Variants in FAM83B observed in about 807,000 individuals in gnomAD.
FAM83B encodes scaffolding CK1 anchoring protein B, also known as protein FAM83B.
In FAM83B, 26 loss-of-function variants were observed where a neutral mutation model predicts 38.8. The observed-to-expected ratio is 0.67, with a 90% CI of 0.49 to 0.93. FAM83B has a LOEUF of 0.93. Ranked by LOEUF, FAM83B falls within the 40% of genes least tolerant of loss-of-function variation. The probability of loss-of-function intolerance (pLI) is 0.00; values close to 1 mark genes in which losing one functional copy is unlikely to be tolerated. For missense variants in FAM83B, 1,237 were observed against 1,197.3 expected (o/e 1.03, Z -0.49); for synonymous variants, 419 against 423.1 (o/e 0.99, Z 0.12).
rs765150070 is a variant in FAM83B at position 54,870,398 on chromosome 6, G to A, written c.152G>A (p.Arg51Gln). 8 of 1,613,916 alleles carry A rather than the reference G, an allele frequency of 5.0e-6. No individual in the cohort carries two copies. Among genetic ancestry groups the A allele is most frequent in the African/African-American group, 1.3e-5 (1 of 74,900 alleles). Residue 51 changes from arginine to glutamine, a missense_variant, in exon 2 of 5, where the codon CGA (arginine) becomes CAA (glutamine). Transcript: ENST00000306858. Reference protein sequence around the residue: ...EAYQEFLVQERVSDFLAEEEI... With the variant: ...EAYQEFLVQEQVSDFLAEEEI... ...TACCAAGAATTTCTTGTCCAGGAAC[G>A]AGTTTCAGACTTTCTTGCTGAGGAA...
At chr6:54,849,775 C>T (rs1771229166) in intron 1 of FAM83B, among the ~76,000 whole-genome samples, 1 of 151,164 alleles carries the variant, frequency 6.6e-6, no homozygotes, top group Admixed American at 6.6e-5. Context: ...GGGCACATGA[C>T]ATTTATCTTT....
chr6:54,880,226 G>A (rs1435057493), intron 2 of FAM83B, among the ~76,000 whole-genome samples: 4 of 152,124 alleles, frequency 2.6e-5, no homozygotes, highest in Admixed American at 1.3e-4. Context: ...AAATATATAG[G>A]TAAAATCATG....
At position 54,944,878 on chromosome 6, in the gene FAM83B, A is replaced by G. The variant is rs1187827558; in HGVS notation, c.*2871A>G. On this transcript the variant is annotated 3_prime_UTR_variant, in exon 5 of 5. Transcript: ENST00000306858. The stretch of plus-strand genomic sequence containing the variant: ...TTAAAACAAAAGGATAAAATGATAA[A>G]CCAAAGAGTCAACTTGTTAACTTTT... 1 of 152,120 alleles carries G rather than the reference A, an allele frequency of 6.6e-6. No homozygotes were observed. The highest frequency in any genetic ancestry group is 1.5e-5 in the Non-Finnish European group (1 of 68,018). 9.4% of individuals were successfully genotyped at this position (152,120 alleles called of 1,614,324 possible).
At chr6:54,872,965 A>G (rs1346279005) in intron 2 of FAM83B, among the ~76,000 whole-genome samples, 26 of 151,378 alleles carry the variant, frequency 1.7e-4, no homozygotes, top group Admixed American at 1.5e-3. Context: ...ATAAATTATA[A>G]CAGACGACTT....
intron 1 of FAM83B, among the ~76,000 whole-genome samples, chr6:54,848,856 C>T (rs1382574025): frequency 6.6e-6 from 1 of 152,122 alleles, no homozygotes; most frequent in Non-Finnish European, 1.5e-5. Context: ...GGCCACTTAG[C>T]TTAATTTAAT....
At position 54,916,964 on chromosome 6, in the gene FAM83B, G is replaced by A. The variant is rs138630529; in HGVS notation, c.445-9407G>A. 6.6e-5 allele frequency among the ~76,000 whole-genome samples: 10 copies of A among 152,254 alleles called. No homozygotes were observed. The East Asian group carries it at 1.9e-3, about 29-fold the overall frequency. On this transcript the variant is annotated intron_variant, in intron 2 of 4. Coordinates refer to ENST00000306858, the MANE Select transcript of FAM83B (RefSeq NM_001010872.3). ...ATTTGTTGACATTTAATTCTTAGAAGACAGTCTCATTTCCCTTATTAAATG... is the reference window on the plus strand; with the variant it reads ...ATTTGTTGACATTTAATTCTTAGAAAACAGTCTCATTTCCCTTATTAAATG...
intron 1 of FAM83B, 46 bp from the exon 2 acceptor site, chr6:54,870,141 T>TA: frequency 2.4e-6 from 2 of 829,242 alleles, no homozygotes; most frequent in Non-Finnish European, 3.9e-6. Context: ...AACATTCTGT[T>TA]ACCGAATTTT....
intron 2 of FAM83B, among the ~76,000 whole-genome samples, chr6:54,889,320 A>T (rs1772349046): frequency 6.6e-6 from 1 of 151,914 alleles, no homozygotes; most frequent in African/African-American, 2.4e-5. Flanking sequence ...TTTTCTTCCC[A>T]TGTCTTACTT....
Position 54,941,855 on chromosome 6 carries a change from G to A in FAM83B, c.2884G>A (p.Glu962Lys). The change falls in exon 5 of 5, where the codon GAA becomes AAA. Residue 962 changes from glutamate (E) to lysine (K), a missense_variant. Coordinates refer to ENST00000306858, the MANE Select transcript of FAM83B (RefSeq NM_001010872.3). ...NMPNTSINRPEIKSATMGNSY... is the reference protein window; with the variant it reads ...NMPNTSINRPKIKSATMGNSY... ...GCCAAATACCAGTATAAATCGCCCA[G>A]AAATAAAATCTGCGACTATGGGCAA... 1 of 1,613,900 alleles carries A rather than the reference G, an allele frequency of 6.2e-7. No individual in the cohort carries two copies. Among genetic ancestry groups the A allele is most frequent in the Non-Finnish European group, 8.5e-7 (1 of 1,179,984 alleles).
chr6:54,862,372 G>A (rs766306214), intron 1 of FAM83B, among the ~76,000 whole-genome samples: 26 of 152,140 alleles, frequency 1.7e-4, no homozygotes, highest in Non-Finnish European at 1.0e-4. Flanking sequence ...GGTATAGTTG[G>A]AGTGATCCAA....
chr6:54,862,604 C>T (rs921711546), intron 1 of FAM83B, among the ~76,000 whole-genome samples: 24 of 152,086 alleles, frequency 1.6e-4, no homozygotes, highest in Non-Finnish European at 2.1e-4. Context: ...TGGCCGGGCA[C>T]GGTGCCTCAT....
At chr6:54,930,629 A>C (rs891986584) in intron 4 of FAM83B, among the ~76,000 whole-genome samples, 1 of 152,154 alleles carries the variant, frequency 6.6e-6, no homozygotes, top group African/African-American at 2.4e-5. Context: ...GTATTACCCC[A>C]TAATCAAAGT....
rs1288614641 is a variant in FAM83B, at chr6:54,942,843, C to T, written c.*836C>T. 1.3e-5 allele frequency among the ~76,000 whole-genome samples: 2 copies of T among 151,526 alleles called. No individual in the cohort carries two copies. The highest frequency in any genetic ancestry group is 2.9e-5 in the Non-Finnish European group (2 of 67,936). On this transcript the variant is annotated 3_prime_UTR_variant, in exon 5 of 5. Transcript: ENST00000306858. ...AGCTTTTAGAAATGTAAATTTCTGC[C>T]TAAATTTTTGTTAGATTGGCATGAC... is the stretch of plus-strand genomic sequence containing the variant.
At chr6:54,909,659 G>A (rs239822) in intron 2 of FAM83B, among the ~76,000 whole-genome samples, 6,470 of 152,136 alleles carry the variant, frequency 0.043, 200 homozygotes, top group Non-Finnish European at 0.066. Flanking sequence ...AATGACTTAG[G>A]TCCACACCTA....
chr6:54,889,039 T>C (rs1772343840), intron 2 of FAM83B, among the ~76,000 whole-genome samples: 1 of 152,128 alleles, frequency 6.6e-6, no homozygotes, highest in African/African-American at 2.4e-5. Context: ...TGAGTCTAAT[T>C]AACTATTAAA....
intron 4 of FAM83B, among the ~76,000 whole-genome samples, chr6:54,938,107 G>C (rs1230467104): frequency 6.6e-6 from 1 of 151,998 alleles, no homozygotes; most frequent in Non-Finnish European, 1.5e-5. Flanking sequence ...ACTGATAAGT[G>C]AGAATATACA....
At chr6:54,924,557 T>C (rs1213487158) in intron 2 of FAM83B, among the ~76,000 whole-genome samples, 1 of 151,848 alleles carries the variant, frequency 6.6e-6, no homozygotes, top group Non-Finnish European at 1.5e-5. Context: ...ACCTTCCTTC[T>C]TACAAATGCA....
chr6:54,874,180 T>G (rs536778711), intron 2 of FAM83B, among the ~76,000 whole-genome samples: 34 of 152,252 alleles, frequency 2.2e-4, no homozygotes, highest in Admixed American at 8.5e-4. Context: ...CTTTATAGTA[T>G]TTCAAAAATC....
At chr6:54,908,556 C>T (rs1772828819) in intron 2 of FAM83B, among the ~76,000 whole-genome samples, 1 of 151,942 alleles carries the variant, frequency 6.6e-6, no homozygotes, top group African/African-American at 2.4e-5. Context: ...ATTTCTCATC[C>T]ATAATGGGTT....
Sources: gnomAD v4.1 joint callset for allele counts (sites outside exome capture counted in the v4.1 genomes callset) on GRCh38, gnomAD v4.1.1 for gene constraint, MANE v1.5 for transcripts, NCBI Gene and HGNC (gene_info 2026-07-23, HGNC 2026-07-21) for gene names.